The following CWF19L2 variants were observed in gnomAD, a reference collection of about 807,000 sequenced individuals.
CWF19L2 encodes CWF19 like cell cycle control factor 2, also known as CWF19-like protein 2.
A neutral mutation model predicts 111.7 loss-of-function variants in CWF19L2; 98 were observed. That is an observed-to-expected ratio of 0.88 (90% CI 0.75 to 1.04). The LOEUF (loss-of-function observed/expected upper bound fraction) is 1.04, where lower values mean the gene tolerates loss of function less well. CWF19L2 is among the 50% of genes least tolerant of loss of function. CWF19L2 has a pLI of 0.00. For missense variants in CWF19L2, 1,101 were observed against 1,051.4 expected, an observed-to-expected ratio of 1.05 and a Z score of -0.65; for synonymous variants, 351 against 342.9, an observed-to-expected ratio of 1.02 and a Z score of -0.26.
Position 107,368,282 on chromosome 11 carries a change from A to G in CWF19L2, c.1873-14546T>C, listed in dbSNP as rs1288026544. Among the ~76,000 whole-genome samples the G allele has an allele frequency of 2.9e-5, 4 of 137,898 alleles. 2 individuals are homozygous for G. The highest frequency in any genetic ancestry group is 1.2e-4 in the African/African-American group (4 of 34,568). The allele number at this position is 137,898 out of a possible 152,430, so 90.5% of individuals were successfully genotyped here. A position where few individuals can be genotyped will look rare whatever the true frequency, so the allele number is the denominator to read the frequency against. ...TTACAACTGATATCACAGAAATACA[A>G]AAGAGCATCAGAGACTATGATGATC... On this transcript the variant is annotated intron_variant, in intron 12 of 17. Coordinates refer to ENST00000282251, the MANE Select transcript of CWF19L2 (RefSeq NM_152434.3).
At chr11:107,363,118 A>C (rs1406484673) in intron 12 of CWF19L2, among the ~76,000 whole-genome samples, 3 of 152,094 alleles carry the variant, frequency 2.0e-5, no homozygotes, top group Admixed American at 2.0e-4. Context: ...AGGGAAGTTT[A>C]GAGAAAAAAG....
At position 107,359,090 on chromosome 11, in the gene CWF19L2, T is replaced by C. The variant is rs537175236; in HGVS notation, c.1873-5354A>G. 2.0e-5 allele frequency among the ~76,000 whole-genome samples: 3 copies of C among 152,280 alleles called. No homozygotes were observed. In the South Asian group the frequency reaches 6.2e-4, roughly 32 times the overall value. On this transcript the variant is annotated intron_variant, in intron 12 of 17. Coordinates refer to ENST00000282251, the MANE Select transcript of CWF19L2 (RefSeq NM_152434.3). ...GCACAGATAAAAGTTACACATGAGC[T>C]TACCATCATGAGTTTGGACTCACCA...
At chr11:107,426,724 G>A (rs960223471) in intron 8 of CWF19L2, among the ~76,000 whole-genome samples, 3 of 151,412 alleles carry the variant, frequency 2.0e-5, no homozygotes, top group Admixed American at 6.6e-5. Context: ...ATTTTGAATG[G>A]TATATGCATT....
At position 107,454,505 on chromosome 11, in the gene CWF19L2, TTTTTC is replaced by T. The variant is rs1331496944; in HGVS notation, c.279_283del (p.Lys95GlufsTer7). 1 of 1,484,120 alleles carries T rather than the reference TTTTTC, an allele frequency of 6.7e-7. No homozygotes were observed. The highest frequency in any genetic ancestry group is 1.4e-5 in the South Asian group (1 of 70,616). The allele number at this position is 1,484,120 out of a possible 1,614,324, so 91.9% of individuals were successfully genotyped here. On this transcript the variant is annotated frameshift_variant, in exon 3 of 18. Transcript: ENST00000282251. LOFTEE classifies it high-confidence loss of function. ...TTCATATTTCTGTTTCTTGCTCTTT[TTTTTC>T]TTTTCTTTCTTTGCTTTTTTTGAAT...
At chr11:107,414,936 A>C (rs1470106003) in intron 10 of CWF19L2, among the ~76,000 whole-genome samples, 1 of 152,182 alleles carries the variant, frequency 6.6e-6, no homozygotes, top group Non-Finnish European at 1.5e-5. Flanking sequence ...GCCCACCTCT[A>C]CTTCAGCTTC....
chr11:107,390,104 T>A lies in CWF19L2; in HGVS notation c.1842A>T (p.Gln614His). 1 of 1,612,930 alleles carries A rather than the reference T, an allele frequency of 6.2e-7. No homozygotes were observed. Among genetic ancestry groups the A allele is most frequent in the African/African-American group, 1.3e-5 (1 of 75,024 alleles). Residue 614 changes from glutamine to histidine, a missense_variant, in exon 12 of 18, where the codon CAA (glutamine) becomes CAT (histidine). Transcript: ENST00000282251. ...KNEKMGTAEN[Q>H]NKLFMRMASK... is the part of the protein sequence containing the mutation. ...ATGCCATTCTCATAAAGAGCTTGTT[T>A]TGATTTTCTGCTGTTCCCATCTTTT... is the stretch of plus-strand genomic sequence containing the variant.
intron 10 of CWF19L2, among the ~76,000 whole-genome samples, chr11:107,400,124 C>T (rs1860979718): frequency 6.6e-6 from 1 of 151,684 alleles, no homozygotes; most frequent in African/African-American, 2.4e-5. Context: ...TCTGAAAGTG[C>T]ACAAACTGAC....
At chr11:107,419,998 G>C (rs1026677893) in intron 8 of CWF19L2, among the ~76,000 whole-genome samples, 1 of 151,286 alleles carries the variant, frequency 6.6e-6, no homozygotes, top group Non-Finnish European at 1.5e-5. Context: ...ATAAGTTAAA[G>C]GTATAGTACA....
At chr11:107,429,521 C>T in intron 7 of CWF19L2, 70 bp from the exon 8 acceptor site, 1 of 1,223,780 alleles carries the variant, frequency 8.2e-7, no homozygotes, top group Non-Finnish European at 1.1e-6. Flanking sequence ...CCCCACATGT[C>T]ACTGTATGAC....
intron 16 of CWF19L2, among the ~76,000 whole-genome samples, chr11:107,332,612 A>G (rs61076718): frequency 0.012 from 1,881 of 152,114 alleles, 22 homozygotes; most frequent in Middle Eastern, 0.037. Context: ...TATTAAGGAC[A>G]TAAAGTTTTT....
At chr11:107,434,861 T>C (rs985364487) in intron 6 of CWF19L2, among the ~76,000 whole-genome samples, 4 of 151,972 alleles carry the variant, frequency 2.6e-5, no homozygotes, top group Non-Finnish European at 4.4e-5. Context: ...TCTGGGATAC[T>C]AACAAGATTT....
At chr11:107,387,767 C>T (rs1049633072) in intron 12 of CWF19L2, among the ~76,000 whole-genome samples, 2 of 152,164 alleles carry the variant, frequency 1.3e-5, no homozygotes, top group African/African-American at 4.8e-5. Context: ...AGAATCTTGT[C>T]GCTGATCTGA....
intron 16 of CWF19L2, among the ~76,000 whole-genome samples, chr11:107,331,610 A>AT (rs1291007202): frequency 6.6e-6 from 1 of 152,210 alleles, no homozygotes; most frequent in Admixed American, 6.5e-5. Flanking sequence ...TGACACCTTG[A>AT]TTTTAGCCAA....
Position 107,403,819 on chromosome 11 carries a change from C to T in CWF19L2, c.1618-10924G>A, listed in dbSNP as rs1341516109. The T allele has an allele frequency of 1.2e-5, 10 of 837,850 alleles. No homozygotes were observed. In the East Asian group the frequency reaches 2.4e-4, roughly 20 times the overall value. 51.9% of individuals were successfully genotyped at this position (837,850 alleles called of 1,614,324 possible). A position where few individuals can be genotyped will look rare whatever the true frequency, so the allele number is the denominator to read the frequency against. Reference sequence around the variant, plus strand: ...CCACTTCTACTGTCAGACCGCACAACCTTTTAAGTTCATTGTTAAGTGAAT... The same window carrying T: ...CCACTTCTACTGTCAGACCGCACAATCTTTTAAGTTCATTGTTAAGTGAAT... On this transcript the variant is annotated intron_variant, in intron 10 of 17. Coordinates refer to ENST00000282251, the MANE Select transcript of CWF19L2 (RefSeq NM_152434.3).
intron 12 of CWF19L2, among the ~76,000 whole-genome samples, chr11:107,355,689 A>G (rs1282471826): frequency 6.6e-6 from 1 of 152,188 alleles, no homozygotes; most frequent in Non-Finnish European, 1.5e-5. Flanking sequence ...AAGAGGACAT[A>G]ACAATCCTAA....
chr11:107,390,253 T>A, intron 11 of CWF19L2, 42 bp from the exon 12 acceptor site: 1 of 1,472,146 alleles, frequency 6.8e-7, no homozygotes. Context: ...AAAACATGAG[T>A]CTCTGAAGTA....
At chr11:107,338,406 C>G (rs537461874) in intron 14 of CWF19L2, among the ~76,000 whole-genome samples, 242 of 150,322 alleles carry the variant, frequency 1.6e-3, no homozygotes, top group African/African-American at 4.0e-3. Context: ...CTTTTTTTTT[C>G]TTCAACTGTT....
intron 11 of CWF19L2, among the ~76,000 whole-genome samples, chr11:107,391,386 G>T (rs1324885424): frequency 3.3e-5 from 5 of 152,170 alleles, no homozygotes; most frequent in Non-Finnish European, 7.3e-5. Context: ...GCCCTCATCA[G>T]ACAATGAAGC....
intron 10 of CWF19L2, among the ~76,000 whole-genome samples, chr11:107,410,134 A>G (rs960019974): frequency 6.6e-6 from 1 of 152,166 alleles, no homozygotes; most frequent in African/African-American, 2.4e-5. Context: ...AAGCAATGAA[A>G]GAATTCTTCG....
Sources: allele counts gnomAD v4.1 joint callset (sites outside exome capture counted in the v4.1 genomes callset), GRCh38; gene constraint gnomAD v4.1.1; transcripts MANE v1.5; gene names NCBI Gene and HGNC (gene_info 2026-07-23, HGNC 2026-07-21).